Variants in FAM171A1 observed in about 807,000 individuals in gnomAD.
FAM171A1 encodes family with sequence similarity 171 member A1.
Under a neutral mutation model 74.9 loss-of-function variants are expected in FAM171A1, and 23 were observed. That is an observed-to-expected ratio of 0.31 (90% confidence interval 0.22 to 0.44). The LOEUF (loss-of-function observed/expected upper bound fraction) is 0.44. Among genes scored for constraint, FAM171A1 ranks in the 20% least tolerant of loss-of-function variants. FAM171A1 has a pLI of 1.00. For synonymous variants in FAM171A1, 527 were observed against 505.7 expected, an observed-to-expected ratio of 1.04 and a Z score of -0.57; for missense variants, 1,162 against 1,159.2, an observed-to-expected ratio of 1.00 and a Z score of -0.03.
rs199765173 is a variant in FAM171A1 at position 15,212,984 on chromosome 10, T to C, written c.2604A>G (p.Gln868=). ...GCCAGGGGCTTTTCTTGTCTTCTCC[T>C]TGGTCATCATCATCATCGTCTTCCT... ...EEEEDDDDDD[Q]GEDKKSPWQK... Residue 868 remains glutamine (Q), a synonymous_variant, in exon 8 of 8, where the codon CAA becomes CAG. Transcript: ENST00000378116. 331 of 1,614,120 alleles carry C rather than the reference T, an allele frequency of 2.1e-4. No homozygotes were observed. The highest frequency in any genetic ancestry group is 2.7e-4 in the Non-Finnish European group (314 of 1,180,032).
chr10:15,233,455 G>C lies in FAM171A1; in HGVS notation c.755-12395C>G, dbSNP rs79963278. ...ATACGTGTACATGGCGTACTGCAGG[G>C]ACAAGCCAGACACTTCTGTGGAAGC... On this transcript the variant is annotated intron_variant, in intron 5 of 7. Transcript: ENST00000378116. Among the ~76,000 whole-genome samples the C allele has an allele frequency of 4.8e-3, 733 of 152,102 alleles. 7 individuals carry two copies. The highest frequency in any genetic ancestry group is 0.017 in the African/African-American group (712 of 41,486).
chr10:15,328,153 ATTT>A (rs1318424406), intron 1 of FAM171A1, among the ~76,000 whole-genome samples: 2 of 151,776 alleles, frequency 1.3e-5, no homozygotes, highest in Non-Finnish European at 2.9e-5. Flanking sequence ...GTTTTTTAAA[ATTT>A]TTTCCGAGAT....
intron 1 of FAM171A1, among the ~76,000 whole-genome samples, chr10:15,292,173 A>G (rs565166216): frequency 1.1e-4 from 17 of 152,164 alleles, no homozygotes; most frequent in East Asian, 3.9e-4. Flanking sequence ...CCCATGCACA[A>G]TGGCTCCCCC....
chr10:15,352,840 A>T (rs377448205), intron 1 of FAM171A1, among the ~76,000 whole-genome samples: 1 of 152,218 alleles, frequency 6.6e-6, no homozygotes, highest in African/African-American at 2.4e-5. Context: ...TACTTTCACC[A>T]TGTAATCTTT....
chr10:15,305,810 T>C (rs2131832291), intron 1 of FAM171A1, among the ~76,000 whole-genome samples: 1 of 152,148 alleles, frequency 6.6e-6, no homozygotes, highest in Middle Eastern at 3.4e-3. Context: ...AGAAGGACAC[T>C]GTGGGGTGAA....
chr10:15,345,643 G>C (rs1412187575), intron 1 of FAM171A1, among the ~76,000 whole-genome samples: 1 of 152,126 alleles, frequency 6.6e-6, no homozygotes, highest in Non-Finnish European at 1.5e-5. Context: ...ATCCAGGAGG[G>C]GGCTGGGAAG....
chr10:15,242,950 T>C (rs1376727175), intron 5 of FAM171A1, among the ~76,000 whole-genome samples: 2 of 152,352 alleles, frequency 1.3e-5, no homozygotes, highest in East Asian at 1.9e-4. Context: ...TTCTGTATTG[T>C]ATTCATTTCC....
chr10:15,214,506 T>G lies in FAM171A1; in HGVS notation c.1082A>C (p.His361Pro), dbSNP rs1448911283. 1.2e-6 allele frequency: 2 copies of G among 1,614,204 alleles called. No homozygotes were observed. Among genetic ancestry groups the G allele is most frequent in the Admixed American group, 1.7e-5 (1 of 60,026 alleles). ...TCGGCGTGAAAACAGCAAGTTAATG[T>G]GTGACATGGACGTGGACTGGTCTCT... is the stretch of plus-strand genomic sequence containing the variant. ...SKRDQSTSMS[H>P]INLLFSRRAS... Residue 361 changes from histidine (H) to proline (P), a missense_variant, in exon 8 of 8, where the codon CAC (histidine) becomes CCC (proline). Transcript: ENST00000378116.
At chr10:15,343,316 C>T (rs553419082) in intron 1 of FAM171A1, among the ~76,000 whole-genome samples, 2 of 152,276 alleles carry the variant, frequency 1.3e-5, no homozygotes, top group East Asian at 1.9e-4. Flanking sequence ...CTATAGTGAG[C>T]TATGATTGCA....
intron 5 of FAM171A1, among the ~76,000 whole-genome samples, chr10:15,227,830 G>T (rs75396902): frequency 1.3e-5 from 2 of 152,178 alleles, no homozygotes; most frequent in Non-Finnish European, 2.9e-5. Flanking sequence ...AAAGCATCAT[G>T]CATTCTTAAT....
intron 4 of FAM171A1, among the ~76,000 whole-genome samples, chr10:15,253,951 C>G (rs1182968675): frequency 2.0e-5 from 3 of 152,184 alleles, no homozygotes; most frequent in Non-Finnish European, 1.5e-5. Context: ...GGAATTATCA[C>G]TTATTTTCTG....
At chr10:15,361,597 C>A (rs558469126) in intron 1 of FAM171A1, among the ~76,000 whole-genome samples, 2 of 152,154 alleles carry the variant, frequency 1.3e-5, no homozygotes, top group South Asian at 4.2e-4. Flanking sequence ...GCAAGAGAAT[C>A]GCTTGAACTC....
intron 3 of FAM171A1, among the ~76,000 whole-genome samples, chr10:15,267,574 G>C (rs1354170475): frequency 1.7e-5 from 2 of 115,142 alleles, no homozygotes; most frequent in African/African-American, 6.7e-5. Flanking sequence ...CTGTACTCCA[G>C]CCTGGCAACA....
chr10:15,237,899 C>T (rs942287355), intron 5 of FAM171A1, among the ~76,000 whole-genome samples: 4 of 152,146 alleles, frequency 2.6e-5, no homozygotes, highest in African/African-American at 7.2e-5. Flanking sequence ...ATAGCCTTGA[C>T]TCTGAATATT....
intron 1 of FAM171A1, among the ~76,000 whole-genome samples, chr10:15,285,771 A>C (rs1835028535): frequency 6.6e-6 from 1 of 152,210 alleles, no homozygotes; most frequent in Admixed American, 6.5e-5. Context: ...GAGGTGGCCA[A>C]GGAGGCTTGT....
chr10:15,307,135 G>A (rs897043646), intron 1 of FAM171A1, among the ~76,000 whole-genome samples: 3 of 152,156 alleles, frequency 2.0e-5, no homozygotes, highest in Non-Finnish European at 2.9e-5. Context: ...CAGCCCACCC[G>A]CAAGAGGGCA....
chr10:15,316,431 C>T (rs1835422607), intron 1 of FAM171A1, among the ~76,000 whole-genome samples: 3 of 152,188 alleles, frequency 2.0e-5, no homozygotes, highest in South Asian at 2.1e-4. Context: ...TGTCAGGTGA[C>T]GGGCTTCGTG....
At chr10:15,278,607 G>C (rs956455867) in intron 2 of FAM171A1, among the ~76,000 whole-genome samples, 1 of 152,160 alleles carries the variant, frequency 6.6e-6, no homozygotes, top group African/African-American at 2.4e-5. Flanking sequence ...CTACAACGTG[G>C]ATGAATCTTG....
chr10:15,355,207 C>G (rs1835919105), intron 1 of FAM171A1, among the ~76,000 whole-genome samples: 1 of 152,154 alleles, frequency 6.6e-6, no homozygotes, highest in African/African-American at 2.4e-5. Context: ...GCCTCAGCCT[C>G]CTGAGTACAG....
Sources: gnomAD v4.1 joint callset for allele counts (sites outside exome capture counted in the v4.1 genomes callset) on GRCh38, gnomAD v4.1.1 for gene constraint, MANE v1.5 for transcripts, NCBI Gene and HGNC (gene_info 2026-07-23, HGNC 2026-07-21) for gene names.